The following IBTK variants were observed in gnomAD, a reference collection of about 807,000 sequenced individuals.
IBTK encodes the protein inhibitor of Bruton tyrosine kinase.
IBTK carries 83 observed loss-of-function variants against 154.9 expected under a neutral mutation model. The ratio of observed to expected loss-of-function variants is 0.54; its 90% CI spans 0.45 to 0.64. The LOEUF is 0.64. Among genes scored for constraint, IBTK ranks in the 30% least tolerant of loss-of-function variants. The pLI, the probability that IBTK is intolerant of heterozygous loss-of-function variation, is 0.00. For synonymous variants in IBTK, 515 were observed against 536.1 expected (o/e 0.96, Z 0.54); for missense variants, 1,332 against 1,584.6 (o/e 0.84, Z 2.71).
chr6:82,238,533 G>A (rs2127828701), intron 2 of IBTK, among the ~76,000 whole-genome samples: 1 of 152,080 alleles, frequency 6.6e-6, no homozygotes, highest in Middle Eastern at 3.4e-3. Flanking sequence ...CGCCTCCTGG[G>A]TTCAAGTGAT....
intron 1 of IBTK, among the ~76,000 whole-genome samples, chr6:82,243,307 G>GGT (rs1771026167): frequency 6.6e-6 from 1 of 151,644 alleles, no homozygotes; most frequent in Admixed American, 6.6e-5. Context: ...TACTTTAAAA[G>GGT]GTTAAAAATG....
intron 5 of IBTK, 29 bp downstream of exon 5, chr6:82,227,163 C>A: frequency 6.9e-7 from 1 of 1,457,700 alleles, no homozygotes; most frequent in South Asian, 1.2e-5. Flanking sequence ...TCTAAAGTTA[C>A]CTAAATAGTG....
At chr6:82,185,968 C>T (rs1256200885) in intron 25 of IBTK, among the ~76,000 whole-genome samples, 2 of 152,092 alleles carry the variant, frequency 1.3e-5, no homozygotes, top group African/African-American at 2.4e-5. Flanking sequence ...TACATGCTCA[C>T]TTTGTGTCTC....
At chr6:82,192,084 C>T (rs1370544982) in intron 23 of IBTK, among the ~76,000 whole-genome samples, 2 of 151,584 alleles carry the variant, frequency 1.3e-5, no homozygotes, top group East Asian at 1.9e-4. Flanking sequence ...AATATATATC[C>T]AAAATGTTAA....
chr6:82,205,025 GA>G (rs1769348068), intron 16 of IBTK, 67 bp from the exon 17 acceptor site: 1 of 853,450 alleles, frequency 1.2e-6, no homozygotes, highest in Admixed American at 3.0e-5. Flanking sequence ...AAAAAAATTT[GA>G]AGTAATTAGT....
rs748491703 is a variant in IBTK, at chr6:82,214,779, C to G, written c.1652G>C (p.Gly551Ala). ...VSSSSFFEEF[G>A]KLLREADEMD... is the part of the protein sequence containing the mutation. ...TTCATCTGCTTCCCTCAACAGTTTG[C>G]CAAACTCTTCAAAAAAGGATGATGA... is the stretch of plus-strand genomic sequence containing the variant. The change falls in exon 12 of 29, where the codon GGC (glycine) becomes GCC (alanine). Residue 551 changes from glycine to alanine, a missense_variant. Physicochemically the swap from Gly to Ala is moderately conservative, Grantham distance 60. This residue lies in a region of IBTK where 1,134 missense variants were observed against 1,274.7 expected (regional missense o/e 0.89). Transcript: ENST00000306270. The G allele has an allele frequency of 2.5e-6, 4 of 1,610,600 alleles. No homozygotes were observed. The Admixed American group carries it at 6.8e-5, about 27-fold the overall frequency.
chr6:82,213,353 C>G (rs923674925), intron 12 of IBTK, among the ~76,000 whole-genome samples: 9 of 152,124 alleles, frequency 5.9e-5, no homozygotes, highest in Non-Finnish European at 1.5e-5. Flanking sequence ...AAACAGGAAA[C>G]ACGATACACA....
At chr6:82,246,441 C>CTCTTCTTTTTTTTT (rs780889890) in intron 1 of IBTK, among the ~76,000 whole-genome samples, 1 of 111,682 alleles carries the variant, frequency 9.0e-6, no homozygotes, top group Non-Finnish European at 1.8e-5. Flanking sequence ...TTACAGGCAT[C>CTCTTCTTTTTTTTT]TTTTTTTTTT....
At chr6:82,238,148 G>A (rs1362706846) in intron 2 of IBTK, among the ~76,000 whole-genome samples, 1 of 152,038 alleles carries the variant, frequency 6.6e-6, no homozygotes, top group Non-Finnish European at 1.5e-5. Context: ...GAAGGCTGGG[G>A]CAGGAGAATC....
At chr6:82,206,252 GAC>G (rs1320040119) in intron 16 of IBTK, among the ~76,000 whole-genome samples, 4 of 152,122 alleles carry the variant, frequency 2.6e-5, no homozygotes, top group Non-Finnish European at 4.4e-5. Context: ...AGCCACAGGA[GAC>G]AGAACAGTTG....
intron 19 of IBTK, among the ~76,000 whole-genome samples, chr6:82,200,967 C>G (rs1769189171): frequency 6.6e-6 from 1 of 151,714 alleles, no homozygotes; most frequent in Admixed American, 6.6e-5. Context: ...ACTAGAACAG[C>G]CTTGAATACT....
chr6:82,213,894 G>T (rs895974991), intron 12 of IBTK, among the ~76,000 whole-genome samples: 1 of 152,030 alleles, frequency 6.6e-6, no homozygotes, highest in African/African-American at 2.4e-5. Flanking sequence ...AGAAGGGGAT[G>T]GAACAAGTGG....
chr6:82,212,242 C>A (rs1582223697), intron 13 of IBTK, among the ~76,000 whole-genome samples: 2 of 151,972 alleles, frequency 1.3e-5, no homozygotes, highest in South Asian at 4.2e-4. Flanking sequence ...TGCCTCGGCC[C>A]CCCAAAGTGC....
intron 1 of IBTK, 121 bp from the exon 2 acceptor site, chr6:82,240,964 CATTACTGGA>C: frequency 2.5e-6 from 1 of 395,706 alleles, no homozygotes; most frequent in Non-Finnish European, 4.4e-6. Flanking sequence ...CTTAGTGTTC[CATTACTGGA>C]ACACTAAGCT....
rs1770102025 is a variant in IBTK, at chr6:82,221,551, G to T, written c.1125-838C>A. Among the ~76,000 whole-genome samples, 3 of 152,058 alleles carry T rather than the reference G, an allele frequency of 2.0e-5. No homozygotes were observed. In the South Asian group the frequency reaches 6.2e-4, roughly 32 times the overall value. On this transcript the variant is annotated intron_variant, in intron 8 of 28. Transcript: ENST00000306270. The stretch of plus-strand genomic sequence containing the variant: ...TTCATTATATCTGCACATTTGATGT[G>T]CATAGCATTATGTGAAATCTGCCTG...
At position 82,232,053 on chromosome 6, in the gene IBTK, T is replaced by G. The variant is rs534532298; in HGVS notation, c.419-211A>C. Among the ~76,000 whole-genome samples the G allele has an allele frequency of 3.9e-3, 479 of 124,084 alleles. 1 individual carries two copies. Among genetic ancestry groups the G allele is most frequent in the African/African-American group, 0.011 (357 of 32,140 alleles). 81.4% of individuals were successfully genotyped at this position (124,084 alleles called of 152,430 possible). On this transcript the variant is annotated intron_variant, in intron 3 of 28. Coordinates refer to ENST00000306270, the MANE Select transcript of IBTK (RefSeq NM_015525.4). ...ACATTTGTTCCTTGCTTCTTTTTTT[T>G]TTGTTGTTGTTTTTTTTTAATAATT...
intron 2 of IBTK, among the ~76,000 whole-genome samples, chr6:82,238,484 C>T (rs1770818186): frequency 6.6e-6 from 1 of 151,920 alleles, no homozygotes. Context: ...GTTGCCCAGG[C>T]TGAAGTACAA....
intron 3 of IBTK, among the ~76,000 whole-genome samples, chr6:82,233,285 C>A (rs1179686556): frequency 6.6e-6 from 1 of 152,096 alleles, no homozygotes; most frequent in African/African-American, 2.4e-5. Flanking sequence ...CGTGTTCTTG[C>A]CACTGCACTC....
At chr6:82,186,005 G>T (rs1011612654) in intron 25 of IBTK, among the ~76,000 whole-genome samples, 1 of 151,930 alleles carries the variant, frequency 6.6e-6, no homozygotes, top group Non-Finnish European at 1.5e-5. Flanking sequence ...ATTTCTCCTG[G>T]TATTTCAAAC....
Sources: allele counts gnomAD v4.1 joint callset (sites outside exome capture counted in the v4.1 genomes callset), GRCh38; gene constraint gnomAD v4.1.1; regional missense constraint gnomAD v4.1.1; transcripts MANE v1.5; gene names NCBI Gene and HGNC (gene_info 2026-07-23, HGNC 2026-07-21).